The following GSG1L variants were observed in gnomAD, a reference collection of about 807,000 sequenced individuals.
GSG1L encodes the protein germ cell-specific gene 1-like protein.
Under a neutral mutation model 42.1 loss-of-function variants are expected in GSG1L, and 24 were observed. The observed-to-expected ratio is 0.57, with a 90% CI of 0.41 to 0.80. GSG1L has a LOEUF of 0.80. Among genes scored for constraint, GSG1L ranks in the 30% least tolerant of loss-of-function variants. GSG1L has a pLI of 0.00. For missense variants in GSG1L, 445 were observed against 472.2 expected, an observed-to-expected ratio of 0.94 and a Z score of 0.53; for synonymous variants, 215 against 203.5, an observed-to-expected ratio of 1.06 and a Z score of -0.48.
In GSG1L at chr16:27,790,263, TGGATGGAA is replaced by T. The variant is rs1308254437; in HGVS notation, c.*1099_*1106del. The T allele has an allele frequency of 6.6e-6, 1 of 151,982 alleles. No individual in the cohort carries two copies. Among genetic ancestry groups the T allele is most frequent in the Non-Finnish European group, 1.5e-5 (1 of 67,970 alleles). 9.4% of individuals were successfully genotyped at this position (151,982 alleles called of 1,614,324 possible). A position where few individuals can be genotyped will look rare whatever the true frequency, so the allele number is the denominator to read the frequency against. ...TAATGGCTGGATGAGTGATGGATGA[TGGATGGAA>T]GGATGGAAGGATAAAGGAGAAGAAT... On this transcript the variant is annotated 3_prime_UTR_variant, in exon 7 of 7. Transcript: ENST00000447459.
chr16:27,952,523 T>C (rs970469462), intron 2 of GSG1L, among the ~76,000 whole-genome samples: 4 of 152,006 alleles, frequency 2.6e-5, no homozygotes, highest in Non-Finnish European at 5.9e-5. Flanking sequence ...AGGTGATGGA[T>C]AGTTTGGGGG....
chr16:27,921,237 C>G (rs1026214959), intron 2 of GSG1L, among the ~76,000 whole-genome samples: 2 of 152,082 alleles, frequency 1.3e-5, no homozygotes, highest in African/African-American at 4.8e-5. Context: ...GTCTTCAGCA[C>G]CTTCTCCAAG....
chr16:27,920,662 G>T (rs933039770), intron 2 of GSG1L, among the ~76,000 whole-genome samples: 2 of 152,342 alleles, frequency 1.3e-5, no homozygotes, highest in South Asian at 4.1e-4. Context: ...GTTCATCACG[G>T]CATGCTCCTG....
At chr16:27,888,216 G>A (rs1012574920) in intron 2 of GSG1L, 20 of 700,472 alleles carry the variant, frequency 2.9e-5, no homozygotes, top group African/African-American at 2.5e-4. Flanking sequence ...CGTGGGCCCC[G>A]GGCCAGGACG....
intron 3 of GSG1L, among the ~76,000 whole-genome samples, chr16:27,851,846 A>C (rs2083518195): frequency 6.6e-6 from 1 of 152,168 alleles, no homozygotes; most frequent in African/African-American, 2.4e-5. Flanking sequence ...TCTTTTGCTC[A>C]ATCACTGGGG....
chr16:27,869,848 CA>C (rs2083790071), intron 3 of GSG1L, among the ~76,000 whole-genome samples: 1 of 100,664 alleles, frequency 9.9e-6, no homozygotes. Context: ...TCTCTCTCTC[CA>C]TCTCTCTCTG....
rs1196412354 is a variant in GSG1L at position 28,063,585 on chromosome 16, C to T, written c.-161G>A. On this transcript the variant is annotated 5_prime_UTR_variant, in exon 1 of 7. Transcript: ENST00000447459. The surrounding 1 kb of genome is among the most constrained non-coding windows in gnomAD (Gnocchi z 5.8). ...CGGCGCGGGCCCATGCCCCCCCCAA[C>T]CCCGGGGTGGGGGCGCGGCGCGGGG... is the stretch of plus-strand genomic sequence containing the variant. 3 of 198,442 alleles carry T rather than the reference C, an allele frequency of 1.5e-5. No individual in the cohort carries two copies. The allele number at this position is 198,442 out of a possible 1,614,324, so 12.3% of individuals were successfully genotyped here.
chr16:28,006,177 G>C (rs943762729), intron 1 of GSG1L, among the ~76,000 whole-genome samples: 1 of 152,074 alleles, frequency 6.6e-6, no homozygotes, highest in Non-Finnish European at 1.5e-5. Context: ...AAGAAAGCAG[G>C]GACCTCTGTC....
intron 5 of GSG1L, among the ~76,000 whole-genome samples, chr16:27,810,701 T>G (rs550365585): frequency 6.6e-6 from 1 of 152,274 alleles, no homozygotes; most frequent in East Asian, 1.9e-4. Flanking sequence ...TTTTCTTTTT[T>G]TTTTTAGATG....
chr16:27,884,388 G>T lies in GSG1L; in HGVS notation c.550+98C>A. 1 of 1,144,406 alleles carries T rather than the reference G, an allele frequency of 8.7e-7. No homozygotes were observed. The highest frequency in any genetic ancestry group is 1.2e-6 in the Non-Finnish European group (1 of 824,120). The allele number at this position is 1,144,406 out of a possible 1,614,324, so 70.9% of individuals were successfully genotyped here. ...GAGGCTCACAGAAGAGAAGCAATTT[G>T]TCCAATGCCTCCCGGTTGGTACAAC... On this transcript the variant is annotated intron_variant, in intron 3 of 6. Coordinates refer to ENST00000447459, the MANE Select transcript of GSG1L (RefSeq NM_001109763.2). This position sits in a 1 kb window ranked among gnomAD's most constrained non-coding sequence, Gnocchi z 4.4.
chr16:28,038,292 C>G (rs1193858743), intron 1 of GSG1L, among the ~76,000 whole-genome samples: 1 of 152,182 alleles, frequency 6.6e-6, no homozygotes, highest in Non-Finnish European at 1.5e-5. Flanking sequence ...TTGATCCCCC[C>G]CCAAATAACC....
chr16:28,021,236 G>T (rs1161318663), intron 1 of GSG1L, among the ~76,000 whole-genome samples: 2 of 152,180 alleles, frequency 1.3e-5, no homozygotes, highest in Non-Finnish European at 2.9e-5. Flanking sequence ...GTGGAAGGCA[G>T]AAGGGGTGCA....
chr16:28,019,372 C>T (rs1322267036), intron 1 of GSG1L, among the ~76,000 whole-genome samples: 1 of 152,144 alleles, frequency 6.6e-6, no homozygotes, highest in African/African-American at 2.4e-5. Context: ...AGCGCCATGA[C>T]GGTTCAAAGA....
intron 2 of GSG1L, among the ~76,000 whole-genome samples, chr16:27,897,202 C>T (rs1354222032): frequency 3.3e-5 from 5 of 152,184 alleles, no homozygotes; most frequent in African/African-American, 1.2e-4. Context: ...ATTCTGACCT[C>T]AAGAACTGTG....
At chr16:27,955,912 GGAAGGAAGGAAGGAAA>G (rs1245786861) in intron 2 of GSG1L, among the ~76,000 whole-genome samples, 1,835 of 145,964 alleles carry the variant, frequency 0.013, 51 homozygotes, top group African/African-American at 0.047. Context: ...AAGGAAGGAA[GGAAGGAAGGAAGGAAA>G]GAAGGAAGGA....
chr16:28,044,458 A>T (rs1321655095), intron 1 of GSG1L, among the ~76,000 whole-genome samples: 1 of 152,198 alleles, frequency 6.6e-6, no homozygotes, highest in Non-Finnish European at 1.5e-5. Flanking sequence ...CTGCACATAC[A>T]TGTTTATAGC....
At chr16:27,950,869 G>A (rs1016288613) in intron 2 of GSG1L, among the ~76,000 whole-genome samples, 4 of 152,180 alleles carry the variant, frequency 2.6e-5, no homozygotes, top group South Asian at 2.1e-4. Flanking sequence ...TTCTGTCTTC[G>A]AGATGCTTCC....
At chr16:27,796,488 C>G (rs2082819357) in intron 6 of GSG1L, among the ~76,000 whole-genome samples, 1 of 152,210 alleles carries the variant, frequency 6.6e-6, no homozygotes, top group Non-Finnish European at 1.5e-5. Context: ...GCATGTGTCA[C>G]AGGAGGACAA....
At position 27,858,824 on chromosome 16, in the gene GSG1L, C is replaced by T. The variant is rs537332617; in HGVS notation, c.551-13763G>A. The stretch of plus-strand genomic sequence containing the variant: ...ATAAATAAAAATACCTTTTGAAGTT[C>T]ACAGTTTAATAAATGCTGTGAAGGC... On this transcript the variant is annotated intron_variant, in intron 3 of 6. Transcript: ENST00000447459. Among the ~76,000 whole-genome samples, 4 of 152,284 alleles carry T rather than the reference C, an allele frequency of 2.6e-5. No homozygotes were observed. The South Asian group carries it at 8.3e-4, about 32-fold the overall frequency.
Sources: gnomAD v4.1 joint callset for allele counts (sites outside exome capture counted in the v4.1 genomes callset) on GRCh38, gnomAD v4.1.1 for gene constraint, Gnocchi (gnomAD v3.1) non-coding constraint, MANE v1.5 for transcripts, NCBI Gene and HGNC (gene_info 2026-07-23, HGNC 2026-07-21) for gene names.